KCNAB2: variants seen among roughly 807,000 people sequenced by gnomAD.
KCNAB2 encodes voltage-gated potassium channel subunit beta-2.
In KCNAB2, 29 loss-of-function variants were observed where a neutral mutation model predicts 63.6. The observed-to-expected ratio is 0.46, with a 90% confidence interval of 0.34 to 0.62. The LOEUF is 0.62. KCNAB2 is among the 20% of genes least tolerant of loss of function. The probability of loss-of-function intolerance (pLI) is 0.01; values close to 1 mark genes in which losing one functional copy is unlikely to be tolerated. For synonymous variants in KCNAB2, 222 were observed against 224.2 expected (o/e 0.99, Z 0.09); for missense variants, 359 against 563.9 (o/e 0.64, Z 3.68).
chr1:6,040,468 T>C, intron 1 of KCNAB2: 1 of 1,060,480 alleles, frequency 9.4e-7, no homozygotes, highest in Non-Finnish European at 1.5e-6. Context: ...CTGGTTGATC[T>C]TTTTTAACCA....
chr1:5,997,706 A>G (rs1349064734), intron 1 of KCNAB2, among the ~76,000 whole-genome samples: 2 of 152,220 alleles, frequency 1.3e-5, no homozygotes, highest in Admixed American at 6.5e-5. Context: ...CTGTGATCCC[A>G]AACACTCAGC....
chr1:6,080,667 C>G (rs1317050644), intron 4 of KCNAB2, among the ~76,000 whole-genome samples: 1 of 152,182 alleles, frequency 6.6e-6, no homozygotes, highest in African/African-American at 2.4e-5. Flanking sequence ...ACCCCCCACC[C>G]ACAAACATGC....
chr1:6,060,460 T>C (rs900188180), intron 2 of KCNAB2, among the ~76,000 whole-genome samples: 12 of 152,172 alleles, frequency 7.9e-5, no homozygotes, highest in African/African-American at 2.4e-4. Flanking sequence ...GGGCAGCCCC[T>C]CAACTGTTCA....
At chr1:6,075,223 C>T (rs1663561153) in intron 4 of KCNAB2, among the ~76,000 whole-genome samples, 1 of 152,198 alleles carries the variant, frequency 6.6e-6, no homozygotes, top group African/African-American at 2.4e-5. Flanking sequence ...ACTTCATTTC[C>T]AAACAATATT....
chr1:6,084,643 C>T (rs572303609), intron 5 of KCNAB2, among the ~76,000 whole-genome samples: 15 of 152,208 alleles, frequency 9.9e-5, no homozygotes, highest in Non-Finnish European at 1.6e-4. Flanking sequence ...TAGTGAAACC[C>T]CGTCTCTACT....
At chr1:6,070,876 C>A (rs1295423895) in intron 2 of KCNAB2, among the ~76,000 whole-genome samples, 1 of 152,150 alleles carries the variant, frequency 6.6e-6, no homozygotes, top group East Asian at 1.9e-4. Flanking sequence ...CCGGTGCGCC[C>A]CTTTCCTGAA....
upstream of KCNAB2, chr1:6,041,528 C>A: frequency 2.2e-6 from 1 of 444,672 alleles, no homozygotes; most frequent in Non-Finnish European, 4.1e-6. Flanking sequence ...ACATTCAATC[C>A]AAACCAACCC....
At chr1:6,042,047 T>C (rs1021982275), upstream of KCNAB2, among the ~76,000 whole-genome samples, 1 of 152,056 alleles carries the variant, frequency 6.6e-6, no homozygotes, top group Admixed American at 6.5e-5. Context: ...CTGTGCAATG[T>C]CCTGATGGAA....
intron 1 of KCNAB2, among the ~76,000 whole-genome samples, chr1:6,022,680 G>T (rs1052986804): frequency 1.3e-5 from 2 of 152,020 alleles, no homozygotes; most frequent in African/African-American, 4.8e-5. Context: ...CCACCATTCT[G>T]CTTTCTGTCT....
At chr1:6,026,536 C>T (rs1659194423) in intron 1 of KCNAB2, 1 of 152,406 alleles carries the variant, frequency 6.6e-6, no homozygotes, top group Admixed American at 6.5e-5. Flanking sequence ...GGGCTTAGGT[C>T]CCCCGTAATG....
Position 6,028,995 on chromosome 1 carries a change from A to G in KCNAB2, c.-52-11522A>G, listed in dbSNP as rs1047343555. Among the ~76,000 whole-genome samples the G allele has an allele frequency of 6.6e-6, 1 of 152,192 alleles. No individual in the cohort carries two copies. Among genetic ancestry groups the G allele is most frequent in the African/African-American group, 2.4e-5 (1 of 41,452 alleles). ...ATGACGCCCTGAGGCGTGGGTTCACACTTGGGTGTGGCTGGTCACGTCTAT... is the reference window on the plus strand; with the variant it reads ...ATGACGCCCTGAGGCGTGGGTTCACGCTTGGGTGTGGCTGGTCACGTCTAT... On this transcript the variant is annotated intron_variant, in intron 1 of 16. Transcript: ENST00000341524. The surrounding 1 kb of genome is among the most constrained non-coding windows in gnomAD (Gnocchi z 4.0).
chr1:6,079,839 T>C (rs1664047785), intron 4 of KCNAB2, among the ~76,000 whole-genome samples: 2 of 152,190 alleles, frequency 1.3e-5, no homozygotes, highest in South Asian at 2.1e-4. Flanking sequence ...TGAACTATGC[T>C]TGAAAAAGGT....
At chr1:6,039,001 CCA>C (rs1285411708) in intron 1 of KCNAB2, among the ~76,000 whole-genome samples, 1 of 152,192 alleles carries the variant, frequency 6.6e-6, no homozygotes, top group African/African-American at 2.4e-5. Flanking sequence ...TGAGTGAGAC[CCA>C]CAGAACCACT....
intron 1 of KCNAB2, chr1:6,018,968 A>G (rs900080282): frequency 2.0e-5 from 3 of 152,316 alleles, no homozygotes; most frequent in Admixed American, 2.0e-4. Context: ...ATGAAATGTT[A>G]TTCTTCTTTT....
At chr1:6,063,503 G>T (rs369418293) in intron 2 of KCNAB2, among the ~76,000 whole-genome samples, 3 of 145,034 alleles carry the variant, frequency 2.1e-5, no homozygotes, top group Non-Finnish European at 3.0e-5. Flanking sequence ...TCCACCTCCC[G>T]AGTTCAAGCA....
intron 11 of KCNAB2, 110 bp downstream of exon 11, chr1:6,094,595 C>T (rs953240031): frequency 4.8e-6 from 4 of 830,252 alleles, no homozygotes; most frequent in Non-Finnish European, 1.9e-6. Flanking sequence ...CCAACTGCAC[C>T]GATGCCTGGG....
At chr1:6,027,878 T>C (rs1435920120) in intron 1 of KCNAB2, among the ~76,000 whole-genome samples, 1 of 152,206 alleles carries the variant, frequency 6.6e-6, no homozygotes, top group Middle Eastern at 3.2e-3. Context: ...CTGAGGTTTC[T>C]CTGTGACAAA....
At chr1:6,012,143 A>AGGTGATGAAGGTGGAGGTGACGGGTGGAG (rs1302732979) in intron 1 of KCNAB2, among the ~76,000 whole-genome samples, 1 of 144,722 alleles carries the variant, frequency 6.9e-6, no homozygotes, top group Non-Finnish European at 1.5e-5. Flanking sequence ...GACGGGTGGA[A>AGGTGATGAAGGTGGAGGTGACGGGTGGAG]GTGGAGGTGA....
chr1:5,999,659 T>C (rs953660920), intron 1 of KCNAB2, among the ~76,000 whole-genome samples: 1 of 152,110 alleles, frequency 6.6e-6, no homozygotes, highest in African/African-American at 2.4e-5. Context: ...TGGAATGTGG[T>C]TTGGTTCAGG....
Sources: gnomAD v4.1 joint callset for allele counts (sites outside exome capture counted in the v4.1 genomes callset) on GRCh38, gnomAD v4.1.1 for gene constraint, Gnocchi (gnomAD v3.1) non-coding constraint, MANE v1.5 for transcripts, NCBI Gene and HGNC (gene_info 2026-07-23, HGNC 2026-07-21) for gene names.